Variants in TMX4 observed in about 807,000 individuals in gnomAD.
TMX4 encodes the protein thioredoxin related transmembrane protein 4.
In TMX4, 23 loss-of-function variants were observed where a neutral mutation model predicts 33.3. That is an observed-to-expected ratio of 0.69 (90% CI 0.50 to 0.98). The LOEUF (loss-of-function observed/expected upper bound fraction) is 0.98. Among genes scored for constraint, TMX4 ranks in the 50% least tolerant of loss-of-function variants. TMX4 has a pLI of 0.00. For synonymous variants in TMX4, 164 were observed against 161.5 expected, an observed-to-expected ratio of 1.02 and a Z score of -0.12; for missense variants, 399 against 448.9, an observed-to-expected ratio of 0.89 and a Z score of 1.01.
chr20:8,019,395 C>T (rs1056019643), intron 1 of TMX4, 43 bp downstream of exon 1: 2 of 1,503,480 alleles, frequency 1.3e-6, no homozygotes, highest in East Asian at 2.8e-5. Flanking sequence ...AGGGTGACGC[C>T]CGCGAGGACA....
intron 5 of TMX4, among the ~76,000 whole-genome samples, chr20:7,995,013 C>T (rs116381976): frequency 1.3e-5 from 2 of 152,068 alleles, no homozygotes; most frequent in Non-Finnish European, 1.5e-5. Context: ...GTCTTCAATT[C>T]GCCTCTGTTG....
intron 2 of TMX4, among the ~76,000 whole-genome samples, chr20:8,008,567 A>G (rs1383124509): frequency 6.6e-6 from 1 of 152,208 alleles, no homozygotes; most frequent in African/African-American, 2.4e-5. Flanking sequence ...TGAACCCATC[A>G]CAAGGCTGTT....
At chr20:7,985,831 A>G (rs1365778681) in intron 6 of TMX4, among the ~76,000 whole-genome samples, 1 of 152,192 alleles carries the variant, frequency 6.6e-6, no homozygotes, top group Non-Finnish European at 1.5e-5. Flanking sequence ...TACACTGATT[A>G]TCTGAATCTA....
chr20:8,004,493 C>A (rs1258798644), intron 2 of TMX4, among the ~76,000 whole-genome samples: 4 of 152,170 alleles, frequency 2.6e-5, no homozygotes, highest in Admixed American at 6.5e-5. Flanking sequence ...TCCAAAATTT[C>A]TACATGCCTT....
Position 8,019,610 on chromosome 20 carries a change from C to T in TMX4, c.4G>A (p.Ala2Thr), listed in dbSNP as rs2050804051. M[A>T]GGRCGPQLTA... is the part of the protein sequence containing the mutation. ...AGCTGCGGGCCGCAGCGCCCACCCG[C>T]CATGTTGGGCGCCGAGCGAGGCTTC... Residue 2 changes from alanine (A) to threonine (T), a missense_variant, in exon 1 of 8, where the codon GCG (alanine) becomes ACG (threonine). Physicochemically the swap from Ala to Thr is moderately conservative, Grantham distance 58 (BLOSUM62 0). Transcript: ENST00000246024. The T allele has an allele frequency of 3.7e-6, 5 of 1,346,226 alleles. No homozygotes were observed. The highest frequency in any genetic ancestry group is 4.8e-6 in the Non-Finnish European group (5 of 1,048,968). The allele number at this position is 1,346,226 out of a possible 1,614,324, so 83.4% of individuals were successfully genotyped here. A position where few individuals can be genotyped will look rare whatever the true frequency, so the allele number is the denominator to read the frequency against.
At chr20:8,010,137 T>C in intron 2 of TMX4, 63 bp downstream of exon 2, 1 of 1,438,578 alleles carries the variant, frequency 7.0e-7, no homozygotes, top group South Asian at 1.2e-5. Context: ...TCTATATGCT[T>C]GAAAAAAATT....
intron 5 of TMX4, among the ~76,000 whole-genome samples, chr20:7,992,582 C>CTTGGT (rs2050659751): frequency 6.6e-6 from 1 of 152,132 alleles, no homozygotes; most frequent in South Asian, 2.1e-4. Context: ...CAAGCAAGAA[C>CTTGGT]ATAGGGGAGG....
chr20:8,019,401 G>C, intron 1 of TMX4, 37 bp downstream of exon 1: 1 of 1,507,568 alleles, frequency 6.6e-7, no homozygotes. Context: ...ACGCCCGCGA[G>C]GACACTGCGG....
At position 7,987,272 on chromosome 20, in the gene TMX4, T is replaced by G. The variant is rs1410956290; in HGVS notation, c.615+16A>C. ...TTTTGCCTTAAAGATAGAAAAAGTT[T>G]GGTATTATCTCTTACCAGACCCATA... On this transcript the variant is annotated intron_variant, in intron 6 of 7. Coordinates refer to ENST00000246024, the MANE Select transcript of TMX4 (RefSeq NM_021156.4). 6.7e-7 allele frequency: 1 copy of G among 1,497,430 alleles called. No individual in the cohort carries two copies. The highest frequency in any genetic ancestry group is 1.2e-5 in the South Asian group (1 of 80,010). 92.8% of individuals were successfully genotyped at this position (1,497,430 alleles called of 1,614,324 possible).
intron 4 of TMX4, among the ~76,000 whole-genome samples, chr20:7,998,208 C>T (rs2050685106): frequency 6.6e-6 from 1 of 152,188 alleles, no homozygotes; most frequent in South Asian, 2.1e-4. Context: ...TGGACTAATA[C>T]AGCATCCACT....
chr20:7,985,089 A>G (rs559536666), intron 6 of TMX4, among the ~76,000 whole-genome samples: 1 of 152,078 alleles, frequency 6.6e-6, no homozygotes, highest in Non-Finnish European at 1.5e-5. Flanking sequence ...TGGGATAAGA[A>G]TGCAGCTGTT....
chr20:8,007,707 TG>T (rs1344705826), intron 2 of TMX4, among the ~76,000 whole-genome samples: 5 of 152,186 alleles, frequency 3.3e-5, no homozygotes, highest in African/African-American at 1.2e-4. Context: ...TTGCTCTGCC[TG>T]GAATGCTCCT....
intron 5 of TMX4, among the ~76,000 whole-genome samples, chr20:7,988,661 T>C (rs2050640679): frequency 6.6e-6 from 1 of 152,198 alleles, no homozygotes; most frequent in South Asian, 2.1e-4. Context: ...TCTCAAACTG[T>C]AAAGCTGGCA....
chr20:8,007,303 C>A (rs1267864379), intron 2 of TMX4, among the ~76,000 whole-genome samples: 1 of 152,102 alleles, frequency 6.6e-6, no homozygotes, highest in Non-Finnish European at 1.5e-5. Flanking sequence ...CCCCATCTGG[C>A]AACCAATCCA....
intron 1 of TMX4, chr20:8,013,667 T>G (rs1421531460): frequency 6.6e-6 from 1 of 152,232 alleles, no homozygotes; most frequent in Non-Finnish European, 1.5e-5. Flanking sequence ...TTACTGAATT[T>G]GGTTTAAGAT....
chr20:8,018,409 A>G (rs1249441636), intron 1 of TMX4, among the ~76,000 whole-genome samples: 1 of 55,618 alleles, frequency 1.8e-5, no homozygotes, highest in African/African-American at 8.6e-5. Flanking sequence ...AGGGAGGGAG[A>G]GAGAGAGAGA....
At chr20:7,993,153 G>A (rs1039665070) in intron 5 of TMX4, among the ~76,000 whole-genome samples, 12 of 152,190 alleles carry the variant, frequency 7.9e-5, no homozygotes, top group African/African-American at 2.9e-4. Context: ...AGAGACTATG[G>A]ATAGGCATAA....
In TMX4 at chr20:7,983,176, T is replaced by C. The variant is rs2050616548; in HGVS notation, c.680-555A>G. Among the ~76,000 whole-genome samples, 3 of 152,350 alleles carry C rather than the reference T, an allele frequency of 2.0e-5. No individual in the cohort carries two copies. The South Asian group carries it at 6.2e-4, about 32-fold the overall frequency. ...GCTAATAAATTTTCATTTGTTTTCC[T>C]AAAATCCTTGATATTGGGTTTCTAT... On this transcript the variant is annotated intron_variant, in intron 7 of 7. Transcript: ENST00000246024.
chr20:7,983,066 T>C (rs2050616139), intron 7 of TMX4, among the ~76,000 whole-genome samples: 3 of 152,242 alleles, frequency 2.0e-5, no homozygotes, highest in Admixed American at 2.0e-4. Flanking sequence ...ACAGCTCTTA[T>C]GAATAAGCCA....
Sources: gnomAD v4.1 joint callset for allele counts (sites outside exome capture counted in the v4.1 genomes callset) on GRCh38, gnomAD v4.1.1 for gene constraint, MANE v1.5 for transcripts, NCBI Gene and HGNC (gene_info 2026-07-23, HGNC 2026-07-21) for gene names.